The following KCNH5 variants were observed in gnomAD, a reference collection of about 807,000 sequenced individuals.
KCNH5 encodes the protein voltage-gated delayed rectifier potassium channel KCNH5.
Under a neutral mutation model 96.1 loss-of-function variants are expected in KCNH5, and 46 were observed. The ratio of observed to expected loss-of-function variants is 0.48; its 90% CI spans 0.38 to 0.61. KCNH5 has a LOEUF of 0.61. Among genes scored for constraint, KCNH5 ranks in the 20% least tolerant of loss-of-function variants. The pLI is 0.00. For missense variants in KCNH5, 907 were observed against 1,225.8 expected (o/e 0.74, Z 3.88); for synonymous variants, 439 against 449.8 (o/e 0.98, Z 0.30).
At chr14:62,756,705 C>T (rs1158574328) in intron 10 of KCNH5, among the ~76,000 whole-genome samples, 1 of 152,140 alleles carries the variant, frequency 6.6e-6, no homozygotes, top group Non-Finnish European at 1.5e-5. Flanking sequence ...GAGGAAAAGA[C>T]AGTCTCTTCA....
chr14:62,904,513 T>C (rs1321405577), intron 7 of KCNH5, among the ~76,000 whole-genome samples: 1 of 152,140 alleles, frequency 6.6e-6, no homozygotes, highest in Non-Finnish European at 1.5e-5. Context: ...CCTCAATGGT[T>C]TCCTTGTAAA....
rs993806501 is a variant in KCNH5 at position 62,753,896 on chromosome 14, C to T, written c.2019+25832G>A. 3.3e-5 allele frequency among the ~76,000 whole-genome samples: 5 copies of T among 152,038 alleles called. No individual in the cohort carries two copies. In the East Asian group the frequency reaches 9.6e-4, roughly 29 times the overall value. On this transcript the variant is annotated intron_variant, in intron 10 of 10. Coordinates refer to ENST00000322893, the MANE Select transcript of KCNH5 (RefSeq NM_139318.5). ...ACATTAATGAGCAATAAGAAATCAT[C>T]TGAAGGTACAAAACTTACTAGTAAT...
intron 10 of KCNH5, among the ~76,000 whole-genome samples, chr14:62,749,619 A>G (rs575876142): frequency 6.6e-6 from 1 of 152,312 alleles, no homozygotes; most frequent in African/African-American, 2.4e-5. Flanking sequence ...GTAGCTTGAA[A>G]GTATCTATGT....
intron 10 of KCNH5, among the ~76,000 whole-genome samples, chr14:62,740,223 T>C (rs1885242755): frequency 6.6e-6 from 1 of 152,162 alleles, no homozygotes; most frequent in African/African-American, 2.4e-5. Context: ...ACGGATGATG[T>C]GTATGTGGGT....
chr14:63,006,501 T>C (rs780385276), intron 2 of KCNH5, 29 bp from the exon 3 acceptor site: 1 of 1,346,674 alleles, frequency 7.4e-7, no homozygotes, highest in Non-Finnish European at 1.1e-6. Flanking sequence ...AAACAATCGA[T>C]TTCACTTTTG....
At chr14:62,723,351 C>G (rs1270246353) in intron 10 of KCNH5, among the ~76,000 whole-genome samples, 1 of 152,096 alleles carries the variant, frequency 6.6e-6, no homozygotes, top group Non-Finnish European at 1.5e-5. Context: ...GAATTATCTT[C>G]TATTAAGTAT....
At chr14:62,784,893 T>C (rs949635528) in intron 9 of KCNH5, among the ~76,000 whole-genome samples, 9 of 152,326 alleles carry the variant, frequency 5.9e-5, no homozygotes, top group Middle Eastern at 3.4e-3. Context: ...ATAGTAAGAA[T>C]AGCAATAAAC....
rs187819378 is a variant in KCNH5, at chr14:62,873,129, G to A, written c.1370-23277C>T. ...CGCGCCACTGCACTCCAGCCTGGGC[G>A]ACAGAACGAGACTCTGACTCAAAAA... On this transcript the variant is annotated intron_variant, in intron 7 of 10. Transcript: ENST00000322893. 2.3e-4 allele frequency among the ~76,000 whole-genome samples: 33 copies of A among 145,032 alleles called. No homozygotes were observed. The East Asian group carries it at 6.2e-3, about 27-fold the overall frequency.
intron 5 of KCNH5, among the ~76,000 whole-genome samples, chr14:62,984,384 C>A (rs929135473): frequency 6.6e-6 from 1 of 152,140 alleles, no homozygotes; most frequent in East Asian, 1.9e-4. Flanking sequence ...AGACTGGAAT[C>A]TTTGAAACTG....
At chr14:62,909,442 C>T in intron 7 of KCNH5, among the ~76,000 whole-genome samples, 1 of 152,132 alleles carries the variant, frequency 6.6e-6, no homozygotes, top group East Asian at 1.9e-4. Context: ...TTGTAAAAGT[C>T]CTAAATAAAT....
chr14:62,742,806 T>A (rs1885298376), intron 10 of KCNH5, among the ~76,000 whole-genome samples: 2 of 152,154 alleles, frequency 1.3e-5, no homozygotes, highest in African/African-American at 4.8e-5. Flanking sequence ...AAAGTTAGGA[T>A]CATGGACTAC....
chr14:62,981,633 T>C (rs1890608475), intron 5 of KCNH5, among the ~76,000 whole-genome samples: 1 of 152,214 alleles, frequency 6.6e-6, no homozygotes, highest in Non-Finnish European at 1.5e-5. Context: ...CTATTCTTCA[T>C]ACACATTTAG....
intron 7 of KCNH5, among the ~76,000 whole-genome samples, chr14:62,850,661 G>A (rs1887785923): frequency 6.6e-6 from 1 of 152,016 alleles, no homozygotes; most frequent in East Asian, 1.9e-4. Context: ...ACCTAGTCAG[G>A]CTATTAATGC....
At chr14:62,723,323 A>G (rs1727128099) in intron 10 of KCNH5, among the ~76,000 whole-genome samples, 1 of 152,218 alleles carries the variant, frequency 6.6e-6, no homozygotes, top group Admixed American at 6.5e-5. Context: ...TAGGTAAATA[A>G]TCTTTCTCTA....
chr14:63,018,738 A>T (rs897308915), intron 1 of KCNH5, among the ~76,000 whole-genome samples: 17 of 152,188 alleles, frequency 1.1e-4, no homozygotes, highest in Non-Finnish European at 2.1e-4. Flanking sequence ...CCTGATTTTT[A>T]AAAAAATGTA....
chr14:62,823,695 C>T (rs1887159834), intron 8 of KCNH5, among the ~76,000 whole-genome samples: 1 of 152,058 alleles, frequency 6.6e-6, no homozygotes, highest in African/African-American at 2.4e-5. Context: ...TCCTTTCTGG[C>T]TAGATAACAT....
chr14:62,956,734 T>C (rs1403687026), intron 6 of KCNH5, among the ~76,000 whole-genome samples: 1 of 152,114 alleles, frequency 6.6e-6, no homozygotes, highest in African/African-American at 2.4e-5. Context: ...ACGAATTGCA[T>C]TTAATTCCTG....
intron 7 of KCNH5, among the ~76,000 whole-genome samples, chr14:62,908,782 A>ATC (rs1889082082): frequency 4.2e-5 from 1 of 23,712 alleles, no homozygotes; most frequent in African/African-American, 1.8e-4. Context: ...TTTGCTTTGT[A>ATC]TTTTTTTTTT....
chr14:62,980,777 A>G, intron 6 of KCNH5, 95 bp downstream of exon 6: 1 of 1,319,086 alleles, frequency 7.6e-7, no homozygotes, highest in Non-Finnish European at 1.0e-6. Context: ...AGTGGTGGCT[A>G]AAAAGAGGTT....
Sources: allele counts gnomAD v4.1 joint callset (sites outside exome capture counted in the v4.1 genomes callset), GRCh38; gene constraint gnomAD v4.1.1; transcripts MANE v1.5; gene names NCBI Gene and HGNC (gene_info 2026-07-23, HGNC 2026-07-21).